DCDC2: variants seen among roughly 807,000 people sequenced by gnomAD.
The protein encoded by DCDC2 is doublecortin domain-containing protein 2.
A neutral mutation model predicts 50.2 loss-of-function variants in DCDC2; 40 were observed. The ratio of observed to expected loss-of-function variants is 0.80; its 90% CI spans 0.62 to 1.04. The LOEUF (loss-of-function observed/expected upper bound fraction) is 1.04, where lower values mean the gene tolerates loss of function less well. Among genes scored for constraint, DCDC2 ranks in the 50% least tolerant of loss-of-function variants. The pLI, the probability that DCDC2 is intolerant of heterozygous loss-of-function variation, is 0.00. For synonymous variants in DCDC2, 234 were observed against 210.6 expected (o/e 1.11, Z -0.96); for missense variants, 570 against 581.9 (o/e 0.98, Z 0.21).
chr6:24,299,043 T>G (rs982265568), intron 4 of DCDC2, among the ~76,000 whole-genome samples: 3 of 152,236 alleles, frequency 2.0e-5, no homozygotes, highest in Admixed American at 1.3e-4. Context: ...ACTGGTACGT[T>G]CACTGCCGTG....
intron 5 of DCDC2, among the ~76,000 whole-genome samples, chr6:24,290,623 G>A (rs1763723888): frequency 6.6e-6 from 1 of 152,044 alleles, no homozygotes. Flanking sequence ...AATGTTTGCT[G>A]TAGAGAAGCT....
intron 2 of DCDC2, 163 bp downstream of exon 2, chr6:24,353,406 T>C: frequency 1.5e-6 from 1 of 653,556 alleles, no homozygotes; most frequent in Non-Finnish European, 2.8e-6. Flanking sequence ...TTTCTGACAA[T>C]GATTCAAAGA....
At position 24,325,810 on chromosome 6, in the gene DCDC2, T is replaced by C. The variant is rs568951544; in HGVS notation, c.349-23766A>G. ...GCCTGTTTTAAAAATATATATATTA[T>C]ACATGTGAATGAGAAATGAGTCACA... On this transcript the variant is annotated intron_variant, in intron 2 of 9. Coordinates refer to ENST00000378454, the MANE Select transcript of DCDC2 (RefSeq NM_016356.5). Among the ~76,000 whole-genome samples the C allele has an allele frequency of 8.0e-5, 12 of 149,352 alleles. 4 individuals carry two copies. The East Asian group carries it at 2.5e-3, about 31-fold the overall frequency.
intron 7 of DCDC2, among the ~76,000 whole-genome samples, chr6:24,234,715 G>T (rs748970241): frequency 2.0e-5 from 3 of 152,194 alleles, no homozygotes; most frequent in Non-Finnish European, 4.4e-5. Context: ...ATGATATCAA[G>T]CGATATAGAC....
At chr6:24,220,919 C>CGAGCGAGCGAGAGAGT in intron 7 of DCDC2, among the ~76,000 whole-genome samples, 5 of 43,656 alleles carry the variant, frequency 1.1e-4, no homozygotes, top group South Asian at 7.8e-4. Context: ...AGTGAGCGAG[C>CGAGCGAGCGAGAGAGT]GAGCGAGAGC....
the DCDC2 span, among the ~76,000 whole-genome samples, chr6:24,383,113 G>A: frequency 1.3e-5 from 2 of 152,110 alleles, no homozygotes; most frequent in East Asian, 3.9e-4. Flanking sequence ...GATCACCTGA[G>A]GTCGGGAGTT....
intron 7 of DCDC2, among the ~76,000 whole-genome samples, chr6:24,210,996 G>T (rs573414260): frequency 6.6e-5 from 10 of 152,286 alleles, no homozygotes; most frequent in African/African-American, 2.4e-4. Flanking sequence ...CACACCGTCA[G>T]CCAGATCTCA....
chr6:24,373,594 C>T, the DCDC2 span, among the ~76,000 whole-genome samples: 5 of 152,202 alleles, frequency 3.3e-5, no homozygotes, highest in Middle Eastern at 6.8e-3. Flanking sequence ...GATACGCATT[C>T]AGGATAGTGG....
intron 7 of DCDC2, among the ~76,000 whole-genome samples, chr6:24,223,118 T>C (rs990513737): frequency 1.3e-5 from 2 of 152,212 alleles, no homozygotes; most frequent in African/African-American, 4.8e-5. Context: ...CAGAAAACTT[T>C]TGGAAAAAGC....
At position 24,357,700 on chromosome 6, in the gene DCDC2, C is replaced by T. The variant is rs1042640142; in HGVS notation, c.51G>A (p.Lys17=). The T allele has an allele frequency of 1.9e-6, 3 of 1,613,234 alleles. No individual in the cohort carries two copies. The highest frequency in any genetic ancestry group is 1.7e-6 in the Non-Finnish European group (2 of 1,179,970). Residue 17 remains lysine (K), a synonymous_variant, in exon 1 of 10, where the codon AAG becomes AAA. Coordinates refer to ENST00000378454, the MANE Select transcript of DCDC2 (RefSeq NM_016356.5). ...RSSHLSQPVV[K]SVLVYRNGDP... ...CCCCGTTGCGGTACACAAGCACGCT[C>T]TTCACGACGGGCTGAGACAGGTGGC...
intron 2 of DCDC2, among the ~76,000 whole-genome samples, chr6:24,308,992 C>G (rs1451344350): frequency 6.6e-6 from 1 of 152,094 alleles, no homozygotes; most frequent in African/African-American, 2.4e-5. Flanking sequence ...AAACCTGGAT[C>G]TGCACAGAAG....
rs372237964 is a variant in DCDC2, at chr6:24,351,299, T to C, written c.348+2270A>G. Among the ~76,000 whole-genome samples, 19 of 152,124 alleles carry C rather than the reference T, an allele frequency of 1.2e-4. No homozygotes were observed. The East Asian group carries it at 2.1e-3, about 17-fold the overall frequency. On this transcript the variant is annotated intron_variant, in intron 2 of 9. Transcript: ENST00000378454. ...GTATCTCCGGACTGGACATGTGAAG[T>C]GAGGGAAGTGAACACACTGCTTGTC...
chr6:24,349,056 GA>G (rs1049680604), intron 2 of DCDC2, among the ~76,000 whole-genome samples: 6 of 151,842 alleles, frequency 4.0e-5, no homozygotes, highest in African/African-American at 1.2e-4. Context: ...AATGGTTATG[GA>G]AAAAAAAGAA....
chr6:24,360,372 C>T (rs1760646602), upstream of DCDC2, among the ~76,000 whole-genome samples: 1 of 152,180 alleles, frequency 6.6e-6, no homozygotes, highest in Non-Finnish European at 1.5e-5. Context: ...GTTGGGGCCA[C>T]GGCGGTGAAA....
chr6:24,204,144 C>T (rs1761655651), intron 8 of DCDC2, among the ~76,000 whole-genome samples: 1 of 151,974 alleles, frequency 6.6e-6, no homozygotes, highest in Admixed American at 6.6e-5. Context: ...TGGGTATATA[C>T]CTGAAGGATA....
intron 8 of DCDC2, among the ~76,000 whole-genome samples, chr6:24,197,570 G>C (rs566202576): frequency 6.6e-6 from 1 of 152,284 alleles, no homozygotes; most frequent in African/African-American, 2.4e-5. Flanking sequence ...TGGAGTTTAT[G>C]AAAAATTATT....
intron 7 of DCDC2, among the ~76,000 whole-genome samples, chr6:24,260,914 T>C (rs778714410): frequency 6.6e-6 from 1 of 152,212 alleles, no homozygotes; most frequent in African/African-American, 2.4e-5. Flanking sequence ...CAATATTGGA[T>C]TGAATTATTG....
At chr6:24,267,372 A>G (rs1441708266) in intron 7 of DCDC2, among the ~76,000 whole-genome samples, 1 of 152,218 alleles carries the variant, frequency 6.6e-6, no homozygotes, top group Non-Finnish European at 1.5e-5. Flanking sequence ...CTCTAACGTG[A>G]TTATTATGAA....
rs140693840 is a variant in DCDC2, at chr6:24,267,368, C to T, written c.922+10681G>A. Among the ~76,000 whole-genome samples, 37 of 152,188 alleles carry T rather than the reference C, an allele frequency of 2.4e-4. No individual in the cohort carries two copies. The East Asian group carries it at 4.6e-3, about 19-fold the overall frequency. ...GTTATAGATACCCCATTTACTCTAA[C>T]GTGATTATTATGAATTATATGCCTG... On this transcript the variant is annotated intron_variant, in intron 7 of 9. Transcript: ENST00000378454.
Sources: allele counts gnomAD v4.1 joint callset (sites outside exome capture counted in the v4.1 genomes callset), GRCh38; gene constraint gnomAD v4.1.1; transcripts MANE v1.5; gene names NCBI Gene and HGNC (gene_info 2026-07-23, HGNC 2026-07-21).